YWHAE: variants seen among roughly 807,000 people sequenced by gnomAD.
The protein encoded by YWHAE is 14-3-3 protein epsilon.
Under a neutral mutation model 30.1 loss-of-function variants are expected in YWHAE, and 4 were observed. The observed-to-expected ratio is 0.13, with a 90% confidence interval of 0.07 to 0.30. The LOEUF (loss-of-function observed/expected upper bound fraction) is 0.30. Among genes scored for constraint, YWHAE ranks in the 10% least tolerant of loss-of-function variants. YWHAE has a pLI of 1.00. For missense variants in YWHAE, 121 were observed against 315.9 expected, an observed-to-expected ratio of 0.38 and a Z score of 4.68; for synonymous variants, 118 against 111.8, an observed-to-expected ratio of 1.06 and a Z score of -0.35.
intron 1 of YWHAE, among the ~76,000 whole-genome samples, chr17:1,393,908 A>T (rs2073425480): frequency 6.6e-6 from 1 of 152,232 alleles, no homozygotes; most frequent in East Asian, 1.9e-4. Flanking sequence ...GAAAAAAACC[A>T]TCAGGTTTCT....
At chr17:1,391,791 G>A (rs907392279) in intron 1 of YWHAE, among the ~76,000 whole-genome samples, 2 of 152,068 alleles carry the variant, frequency 1.3e-5, no homozygotes, top group Non-Finnish European at 2.9e-5. Context: ...ACAACACAGT[G>A]GGATCCCGTC....
chr17:1,376,545 G>A (rs1280066982), intron 1 of YWHAE, among the ~76,000 whole-genome samples: 1 of 152,090 alleles, frequency 6.6e-6, no homozygotes, highest in Non-Finnish European at 1.5e-5. Context: ...TGTTGCCCAG[G>A]CTGGTCTCCA....
chr17:1,386,884 G>A (rs1451100805), intron 1 of YWHAE, among the ~76,000 whole-genome samples: 1 of 152,100 alleles, frequency 6.6e-6, no homozygotes, highest in Non-Finnish European at 1.5e-5. Context: ...AACCAAGGAG[G>A]TGGAGGCTGC....
chr17:1,380,061 C>T (rs2073181578), intron 1 of YWHAE, among the ~76,000 whole-genome samples: 1 of 151,448 alleles, frequency 6.6e-6, no homozygotes, highest in Non-Finnish European at 1.5e-5. Context: ...CCCACCACAG[C>T]ACAGCAAACA....
intron 1 of YWHAE, among the ~76,000 whole-genome samples, chr17:1,392,438 C>T (rs7211938): frequency 0.01 from 1,540 of 152,252 alleles, 24 homozygotes; most frequent in African/African-American, 0.035. Flanking sequence ...TGAAAATAGC[C>T]ATTTTTCTTG....
intron 5 of YWHAE, among the ~76,000 whole-genome samples, chr17:1,353,991 C>CT (rs1567956963): frequency 2.0e-5 from 3 of 152,142 alleles, no homozygotes; most frequent in Admixed American, 6.6e-5. Flanking sequence ...CTGTCCTCAA[C>CT]CTTTGAAACA....
chr17:1,388,125 T>C (rs1477747366), intron 1 of YWHAE, among the ~76,000 whole-genome samples: 2 of 95,270 alleles, frequency 2.1e-5, no homozygotes, highest in South Asian at 7.8e-4. Context: ...TTGGTTTTTT[T>C]TTTTTTTTTT....
At chr17:1,393,342 A>G (rs891400909) in intron 1 of YWHAE, among the ~76,000 whole-genome samples, 1 of 151,586 alleles carries the variant, frequency 6.6e-6, no homozygotes, top group Non-Finnish European at 1.5e-5. Context: ...AAGGAAAAAG[A>G]TAAAAGTGAG....
chr17:1,382,997 C>G (rs530379795), intron 1 of YWHAE, among the ~76,000 whole-genome samples: 1 of 151,146 alleles, frequency 6.6e-6, no homozygotes, highest in East Asian at 2.0e-4. Context: ...TGCACTCCAG[C>G]CCAGGTGACA....
At chr17:1,361,870 T>C in intron 3 of YWHAE, 32 bp downstream of exon 3, 1 of 1,456,902 alleles carries the variant, frequency 6.9e-7, no homozygotes. Flanking sequence ...CAACTTTCAA[T>C]CTTACATTTT....
At chr17:1,368,923 G>A (rs1190065808) in intron 1 of YWHAE, among the ~76,000 whole-genome samples, 1 of 152,130 alleles carries the variant, frequency 6.6e-6, no homozygotes, top group Admixed American at 6.5e-5. Context: ...AAAAATTTAA[G>A]TTACATATCT....
At chr17:1,384,966 C>T (rs570511975) in intron 1 of YWHAE, among the ~76,000 whole-genome samples, 1 of 151,802 alleles carries the variant, frequency 6.6e-6, no homozygotes, top group Non-Finnish European at 1.5e-5. Flanking sequence ...CTGCCTTGGC[C>T]TCCCAAAGAA....
intron 1 of YWHAE, among the ~76,000 whole-genome samples, chr17:1,390,880 T>A (rs1356541276): frequency 6.6e-6 from 1 of 152,194 alleles, no homozygotes; most frequent in Non-Finnish European, 1.5e-5. Context: ...TCAGAAGAGA[T>A]AAGCCAGGAT....
intron 1 of YWHAE, among the ~76,000 whole-genome samples, chr17:1,373,841 G>A (rs1046147537): frequency 2.6e-5 from 4 of 152,008 alleles, no homozygotes; most frequent in African/African-American, 9.7e-5. Context: ...AATCAAACAG[G>A]GTGTACCTAC....
intron 4 of YWHAE, among the ~76,000 whole-genome samples, chr17:1,357,497 CT>C (rs1183523240): frequency 6.6e-6 from 1 of 150,718 alleles, no homozygotes; most frequent in African/African-American, 2.4e-5. Flanking sequence ...AGAGAATCGC[CT>C]GAACCCAGGA....
chr17:1,399,915 T>G, intron 1 of YWHAE, 132 bp downstream of exon 1: 1 of 1,112,392 alleles, frequency 9.0e-7, no homozygotes, highest in Non-Finnish European at 1.4e-6. Flanking sequence ...CCAGGCCATT[T>G]CCTGCTTCCC....
At chr17:1,378,064 A>C (rs1416622256) in intron 1 of YWHAE, among the ~76,000 whole-genome samples, 1 of 152,214 alleles carries the variant, frequency 6.6e-6, no homozygotes, top group Non-Finnish European at 1.5e-5. Flanking sequence ...TAAAAGTCTC[A>C]AATTGTTTTT....
intron 1 of YWHAE, among the ~76,000 whole-genome samples, chr17:1,373,194 G>C (rs994801560): frequency 3.3e-5 from 5 of 151,950 alleles, no homozygotes; most frequent in Non-Finnish European, 7.4e-5. Context: ...GGTGAGCCAA[G>C]ATGGCGCCCT....
intron 1 of YWHAE, among the ~76,000 whole-genome samples, chr17:1,380,190 T>G (rs936206693): frequency 4.0e-5 from 6 of 150,244 alleles, no homozygotes; most frequent in African/African-American, 9.8e-5. Flanking sequence ...CTCGGCTCAC[T>G]GCAACCTCCG....
Sources: allele counts gnomAD v4.1 joint callset (sites outside exome capture counted in the v4.1 genomes callset), GRCh38; gene constraint gnomAD v4.1.1; transcripts MANE v1.5; gene names NCBI Gene and HGNC (gene_info 2026-07-23, HGNC 2026-07-21).